The following TM6SF1 variants were observed in gnomAD, a reference collection of about 807,000 sequenced individuals.
The protein encoded by TM6SF1 is transmembrane 6 superfamily member 1.
A neutral mutation model predicts 47.1 loss-of-function variants in TM6SF1; 43 were observed. That is an observed-to-expected ratio of 0.91 (90% CI 0.72 to 1.18). The LOEUF (loss-of-function observed/expected upper bound fraction) is 1.18, where lower values mean the gene tolerates loss of function less well. Ranked by LOEUF, TM6SF1 falls within the 50% of genes most tolerant of loss-of-function variation. The pLI is 0.00. For missense variants in TM6SF1, 390 were observed against 449.0 expected, an observed-to-expected ratio of 0.87 and a Z score of 1.19; for synonymous variants, 177 against 166.3, an observed-to-expected ratio of 1.06 and a Z score of -0.49.
chr15:83,123,054 GTCTGTT>G (rs2035420780), intron 6 of TM6SF1, among the ~76,000 whole-genome samples, 176 bp downstream of exon 6: 1 of 152,190 alleles, frequency 6.6e-6, no homozygotes, highest in Admixed American at 6.5e-5. Flanking sequence ...AGGCAAGAAG[GTCTGTT>G]TCTGTCTGAA....
At chr15:83,119,504 C>T in intron 3 of TM6SF1, 74 bp from the exon 4 acceptor site, 1 of 1,430,436 alleles carries the variant, frequency 7.0e-7, no homozygotes, top group African/African-American at 1.4e-5. Flanking sequence ...TTTTATTTTA[C>T]TTGCAATACA....
chr15:83,112,469 A>T (rs899219235), intron 1 of TM6SF1, among the ~76,000 whole-genome samples: 2 of 152,110 alleles, frequency 1.3e-5, no homozygotes, highest in African/African-American at 2.4e-5. Context: ...GTGTAAGTGG[A>T]GGCAGTGGGG....
intron 6 of TM6SF1, 68 bp from the exon 7 acceptor site, chr15:83,124,604 A>T: frequency 8.4e-7 from 1 of 1,190,058 alleles, no homozygotes; most frequent in Non-Finnish European, 1.2e-6. Flanking sequence ...CATGACATTT[A>T]ATGTTTCAGA....
At chr15:83,116,683 C>T (rs770665267) in intron 3 of TM6SF1, among the ~76,000 whole-genome samples, 3 of 152,178 alleles carry the variant, frequency 2.0e-5, no homozygotes, top group East Asian at 1.9e-4. Context: ...GGGCACCAGT[C>T]AGGAGGCTTC....
Position 83,122,150 on chromosome 15 carries a change from C to T in TM6SF1, c.481+147C>T. The T allele has an allele frequency of 4.2e-6, 3 of 722,606 alleles. No individual in the cohort carries two copies. In the Admixed American group the frequency reaches 9.6e-5, roughly 23 times the overall value. 44.8% of individuals were successfully genotyped at this position (722,606 alleles called of 1,614,324 possible). On this transcript the variant is annotated intron_variant, in intron 5 of 9. Coordinates refer to ENST00000322019, the MANE Select transcript of TM6SF1 (RefSeq NM_023003.5). ...TTGCAGAATAATTCCTTTTTCTCAC[C>T]TTTAAAAAAAGTACTTTTTAAGAAG...
chr15:83,135,023 A>G (rs1441891949), intron 9 of TM6SF1: 2 of 152,192 alleles, frequency 1.3e-5, no homozygotes, highest in African/African-American at 2.4e-5. Context: ...GGGGAGTTGT[A>G]TCTGAGGGCC....
At chr15:83,132,897 G>C (rs2036350378) in intron 9 of TM6SF1, 1 of 152,062 alleles carries the variant, frequency 6.6e-6, no homozygotes, top group Non-Finnish European at 1.5e-5. Context: ...ATCCTTTCAT[G>C]GAGACACTCA....
In TM6SF1 at chr15:83,107,671, G is replaced by A. The variant is rs369422694; in HGVS notation, c.-10G>A. The A allele has an allele frequency of 6.5e-6, 10 of 1,540,256 alleles. No individual in the cohort carries two copies. The Admixed American group carries it at 9.9e-5, about 15-fold the overall frequency. On this transcript the variant is annotated 5_prime_UTR_variant, in exon 1 of 10. Transcript: ENST00000322019. The surrounding 1 kb of genome is among the most constrained non-coding windows in gnomAD (Gnocchi z 5.6). ...GGATGCGGTGAAGGGCGAGCGGCGC[G>A]GCGGCTGCGATGAGTGCCTCTGCGG... is the stretch of plus-strand genomic sequence containing the variant.
chr15:83,118,515 G>A (rs201493734), intron 3 of TM6SF1, among the ~76,000 whole-genome samples: 1 of 152,178 alleles, frequency 6.6e-6, no homozygotes, highest in East Asian at 1.9e-4. Flanking sequence ...CGTGGGCCTG[G>A]CATGGGTGTA....
intron 4 of TM6SF1, 36 bp from the exon 5 acceptor site, chr15:83,121,885 T>C (rs1315859399): frequency 1.1e-5 from 16 of 1,515,392 alleles, no homozygotes; most frequent in Non-Finnish European, 1.4e-5. Flanking sequence ...AAGACAAACA[T>C]ACCAAGTCAA....
rs906458637 is a variant in TM6SF1, at chr15:83,107,967, G to A, written c.92+195G>A. The A allele has an allele frequency of 1.8e-6, 2 of 1,127,792 alleles. No individual in the cohort carries two copies. Among genetic ancestry groups the A allele is most frequent in the Non-Finnish European group, 2.3e-6 (2 of 874,764 alleles). 69.9% of individuals were successfully genotyped at this position (1,127,792 alleles called of 1,614,324 possible). A position where few individuals can be genotyped will look rare whatever the true frequency, so the allele number is the denominator to read the frequency against. ...GTCGCACGGGCCGGGTCTTGGAGCCGGGCCCTGAGGTGCCCAGGCTGGCGC... is the reference window on the plus strand; with the variant it reads ...GTCGCACGGGCCGGGTCTTGGAGCCAGGCCCTGAGGTGCCCAGGCTGGCGC... On this transcript the variant is annotated intron_variant, in intron 1 of 9. Transcript: ENST00000322019. This position sits in a 1 kb window ranked among gnomAD's most constrained non-coding sequence, Gnocchi z 5.6.
At position 83,113,259 on chromosome 15, in the gene TM6SF1, T is replaced by C. The variant is rs7173386; in HGVS notation, c.196+359T>C. On this transcript the variant is annotated intron_variant, in intron 2 of 9. Coordinates refer to ENST00000322019, the MANE Select transcript of TM6SF1 (RefSeq NM_023003.5). ...CAGTCCCCCCCACTTAGTGCAGAAC[T>C]TAACTGTGTGGTGTCTGGGTCTGCA... is the stretch of plus-strand genomic sequence containing the variant. The C allele has an allele frequency of 2.6e-3, 879 of 335,122 alleles. 5 individuals are homozygous for C. The highest frequency in any genetic ancestry group is 0.017 in the African/African-American group (804 of 47,920). 20.8% of individuals were successfully genotyped at this position (335,122 alleles called of 1,614,324 possible). A position where few individuals can be genotyped will look rare whatever the true frequency, so the allele number is the denominator to read the frequency against.
Position 83,113,051 on chromosome 15 carries a change from C to T in TM6SF1, c.196+151C>T, listed in dbSNP as rs868128575. 1.8e-4 allele frequency: 120 copies of T among 672,358 alleles called. 1 individual carries two copies. In the Middle Eastern group the frequency reaches 2.1e-3, roughly 12 times the overall value. The allele number at this position is 672,358 out of a possible 1,614,324, so 41.6% of individuals were successfully genotyped here. On this transcript the variant is annotated intron_variant, in intron 2 of 9. Coordinates refer to ENST00000322019, the MANE Select transcript of TM6SF1 (RefSeq NM_023003.5). Reference sequence around the variant, plus strand: ...GGGTGTTTCAGGACAATCTGGCCCTCGCCTCTGGCTATTGCCTCTCAGGCA... The same window carrying T: ...GGGTGTTTCAGGACAATCTGGCCCTTGCCTCTGGCTATTGCCTCTCAGGCA...
intron 2 of TM6SF1, chr15:83,114,705 A>G (rs891795134): frequency 3.3e-5 from 5 of 152,218 alleles, no homozygotes; most frequent in African/African-American, 1.2e-4. Flanking sequence ...CTTTTCTTAT[A>G]TTCACCATCA....
chr15:83,135,931 T>C (rs892199078), intron 9 of TM6SF1: 4 of 151,900 alleles, frequency 2.6e-5, no homozygotes, highest in Non-Finnish European at 2.9e-5. Flanking sequence ...AAAAAACACA[T>C]AGGGAAAGGG....
chr15:83,109,452 T>A (rs181405467), intron 1 of TM6SF1, among the ~76,000 whole-genome samples: 3 of 152,326 alleles, frequency 2.0e-5, no homozygotes, highest in Non-Finnish European at 4.4e-5. Flanking sequence ...TTGCTGTGCA[T>A]GATGGAGCGC....
At position 83,116,632 on chromosome 15, in the gene TM6SF1, G is replaced by A. The variant is rs559025694; in HGVS notation, c.294+690G>A. Among the ~76,000 whole-genome samples, 7 of 152,332 alleles carry A rather than the reference G, an allele frequency of 4.6e-5. No individual in the cohort carries two copies. In the South Asian group the frequency reaches 1.2e-3, roughly 27 times the overall value. The stretch of plus-strand genomic sequence containing the variant: ...TCAGTGAAGAATACAGGCAGCTCTG[G>A]GAAGGATGGGCTTGCAGGGAAGGGT... On this transcript the variant is annotated intron_variant, in intron 3 of 9. Coordinates refer to ENST00000322019, the MANE Select transcript of TM6SF1 (RefSeq NM_023003.5).
At chr15:83,113,062 A>G (rs1266155504) in intron 2 of TM6SF1, 162 bp downstream of exon 2, 1 of 644,220 alleles carries the variant, frequency 1.6e-6, no homozygotes, top group Admixed American at 2.4e-5. Flanking sequence ...GCCTCTGGCT[A>G]TTGCCTCTCA....
rs774067278 is a variant in TM6SF1 at position 83,137,225 on chromosome 15, G to T, written c.*553G>T. 1.3e-5 allele frequency: 2 copies of T among 152,012 alleles called. No individual in the cohort carries two copies. Among genetic ancestry groups the T allele is most frequent in the Non-Finnish European group, 2.9e-5 (2 of 67,954 alleles). The allele number at this position is 152,012 out of a possible 1,614,324, so 9.4% of individuals were successfully genotyped here. ...AAAATTACTTTTACTAAATTTTTTT[G>T]TGTGAATTTAAACAGCTAAATAGGG... On this transcript the variant is annotated 3_prime_UTR_variant, in exon 10 of 10. Transcript: ENST00000322019.
Sources: allele counts gnomAD v4.1 joint callset (sites outside exome capture counted in the v4.1 genomes callset), GRCh38; gene constraint gnomAD v4.1.1; non-coding constraint Gnocchi (gnomAD v3.1); transcripts MANE v1.5; gene names NCBI Gene and HGNC (gene_info 2026-07-23, HGNC 2026-07-21).